The following L3MBTL4 variants were observed in gnomAD, a reference collection of about 807,000 sequenced individuals.
L3MBTL4 encodes lethal(3)malignant brain tumor-like protein 4.
A neutral mutation model predicts 84.5 loss-of-function variants in L3MBTL4; 70 were observed. That is an observed-to-expected ratio of 0.83 (90% CI 0.68 to 1.01). The LOEUF (loss-of-function observed/expected upper bound fraction) is 1.01. Among genes scored for constraint, L3MBTL4 ranks in the 50% least tolerant of loss-of-function variants. L3MBTL4 has a pLI of 0.00. For synonymous variants in L3MBTL4, 274 were observed against 259.8 expected (o/e 1.05, Z -0.52); for missense variants, 715 against 754.8 (o/e 0.95, Z 0.62).
intron 1 of L3MBTL4, among the ~76,000 whole-genome samples, chr18:6,400,555 G>A (rs998646589): frequency 3.3e-5 from 5 of 152,104 alleles, no homozygotes; most frequent in African/African-American, 9.7e-5. Context: ...GACTACAGGC[G>A]CATGCCACCA....
chr18:6,214,132 C>G (rs1351577234), intron 11 of L3MBTL4, among the ~76,000 whole-genome samples: 2 of 152,180 alleles, frequency 1.3e-5, no homozygotes, highest in East Asian at 1.9e-4. Context: ...AAAGCCATAG[C>G]CTATGCTTTT....
intron 12 of L3MBTL4, among the ~76,000 whole-genome samples, chr18:6,207,051 C>T (rs2045905981): frequency 6.6e-6 from 1 of 152,138 alleles, no homozygotes; most frequent in African/African-American, 2.4e-5. Flanking sequence ...TCTGTGAGTC[C>T]CATGAGCTAA....
At chr18:6,178,342 A>T (rs1233200196) in intron 12 of L3MBTL4, among the ~76,000 whole-genome samples, 2 of 152,216 alleles carry the variant, frequency 1.3e-5, no homozygotes, top group African/African-American at 2.4e-5. Context: ...GCCTATGTAG[A>T]ATACATCCTT....
At chr18:6,037,708 G>T (rs2056202910) in intron 16 of L3MBTL4, among the ~76,000 whole-genome samples, 1 of 152,224 alleles carries the variant, frequency 6.6e-6, no homozygotes, top group Non-Finnish European at 1.5e-5. Flanking sequence ...ACACAAATGT[G>T]TAACTATAGC....
intron 16 of L3MBTL4, among the ~76,000 whole-genome samples, chr18:6,023,373 C>T (rs1252199590): frequency 6.6e-6 from 1 of 152,022 alleles, no homozygotes; most frequent in African/African-American, 2.4e-5. Context: ...GTCCTTAAAA[C>T]GCAAATGGAA....
chr18:6,284,526 C>G (rs1233277227), intron 4 of L3MBTL4, among the ~76,000 whole-genome samples: 1 of 152,226 alleles, frequency 6.6e-6, no homozygotes. Flanking sequence ...ACTCAGCTCC[C>G]TCGCTGGCTC....
intron 16 of L3MBTL4, chr18:6,030,935 T>C (rs1436977827): frequency 1.0e-6 from 1 of 984,946 alleles, no homozygotes; most frequent in Non-Finnish European, 1.2e-6. Context: ...ACAATAAGTT[T>C]ATTGTTATGA....
intron 1 of L3MBTL4, among the ~76,000 whole-genome samples, chr18:6,374,096 G>C (rs1475547376): frequency 1.3e-5 from 2 of 152,140 alleles, no homozygotes; most frequent in Admixed American, 6.5e-5. Flanking sequence ...TTTCCCCTGT[G>C]AACACACAAA....
At chr18:6,282,380 G>A (rs751217110) in intron 4 of L3MBTL4, among the ~76,000 whole-genome samples, 6 of 152,196 alleles carry the variant, frequency 3.9e-5, no homozygotes, top group Non-Finnish European at 8.8e-5. Flanking sequence ...AAGCTTCCCT[G>A]ACAAGTGGCA....
intron 15 of L3MBTL4, chr18:6,081,167 C>T (rs1187610525): frequency 1.2e-5 from 5 of 416,706 alleles, no homozygotes; most frequent in African/African-American, 8.2e-5. Flanking sequence ...ATTTAAAAGG[C>T]CTTTCCCCCC....
intron 1 of L3MBTL4, among the ~76,000 whole-genome samples, chr18:6,341,285 T>G (rs2052598137): frequency 6.6e-6 from 1 of 151,756 alleles, no homozygotes; most frequent in African/African-American, 2.4e-5. Flanking sequence ...TTAAAAAAAA[T>G]GGATACCTAT....
In L3MBTL4 at chr18:5,998,170, G is replaced by T. The variant is rs118042281; in HGVS notation, c.1445-28608C>A. Among the ~76,000 whole-genome samples, 7 of 152,260 alleles carry T rather than the reference G, an allele frequency of 4.6e-5. No individual in the cohort carries two copies. In the East Asian group the frequency reaches 1.4e-3, roughly 29 times the overall value. On this transcript the variant is annotated intron_variant, in intron 16 of 18. Coordinates refer to ENST00000317931, the MANE Select transcript of L3MBTL4 (RefSeq NM_001330559.2). ...CCTGCCCCAAACTCTCATCCATTAG[G>T]TGGCCAGGTATGGCCGATGCTGCAT... is the stretch of plus-strand genomic sequence containing the variant.
At chr18:6,095,122 T>A (rs1185855796) in intron 14 of L3MBTL4, among the ~76,000 whole-genome samples, 20 of 152,198 alleles carry the variant, frequency 1.3e-4, no homozygotes, top group Admixed American at 1.3e-3. Context: ...ATTGAATGTA[T>A]GCTATAGGCC....
At chr18:6,088,200 T>A (rs1458086967) in intron 15 of L3MBTL4, among the ~76,000 whole-genome samples, 1 of 152,096 alleles carries the variant, frequency 6.6e-6, no homozygotes, top group Non-Finnish European at 1.5e-5. Context: ...TAGGACTGGC[T>A]CTGAGAAAGG....
At chr18:6,069,261 A>C (rs530121463) in intron 16 of L3MBTL4, among the ~76,000 whole-genome samples, 1 of 152,260 alleles carries the variant, frequency 6.6e-6, no homozygotes, top group Non-Finnish European at 1.5e-5. Flanking sequence ...CGCAGTGGTG[A>C]TATCTGAGGT....
At chr18:6,306,819 C>T (rs1157765369) in intron 3 of L3MBTL4, among the ~76,000 whole-genome samples, 1 of 152,176 alleles carries the variant, frequency 6.6e-6, no homozygotes, top group African/African-American at 2.4e-5. Flanking sequence ...GTTCTACAGA[C>T]AAAGAAGCTG....
Position 6,312,069 on chromosome 18 carries a change from A to G in L3MBTL4, c.-90-13T>C, listed in dbSNP as rs2050861854. ...ATAGCATAGCAATCTGAAACAGAAA[A>G]TAAGAAAAAATTTCACCAATCCAAT... On this transcript the variant is annotated splice_polypyrimidine_tract_variant and intron_variant, in intron 1 of 18. Coordinates refer to ENST00000317931, the MANE Select transcript of L3MBTL4 (RefSeq NM_001330559.2). 6.5e-6 allele frequency: 1 copy of G among 153,934 alleles called. No homozygotes were observed. The highest frequency in any genetic ancestry group is 1.4e-5 in the Non-Finnish European group (1 of 69,238). 9.5% of individuals were successfully genotyped at this position (153,934 alleles called of 1,614,324 possible).
At chr18:6,240,980 A>C (rs1445554522) in intron 8 of L3MBTL4, among the ~76,000 whole-genome samples, 1 of 152,244 alleles carries the variant, frequency 6.6e-6, no homozygotes, top group Non-Finnish European at 1.5e-5. Context: ...TTACACTTAA[A>C]TATATCTAGG....
intron 12 of L3MBTL4, among the ~76,000 whole-genome samples, chr18:6,184,320 A>AT (rs574789925): frequency 2.0e-4 from 31 of 151,854 alleles, no homozygotes; most frequent in African/African-American, 5.6e-4. Context: ...CGTATTTTCT[A>AT]TTTTTTTTGT....
Sources: allele counts gnomAD v4.1 joint callset (sites outside exome capture counted in the v4.1 genomes callset), GRCh38; gene constraint gnomAD v4.1.1; transcripts MANE v1.5; gene names NCBI Gene and HGNC (gene_info 2026-07-23, HGNC 2026-07-21).